The following CTDSPL variants were observed in gnomAD, a reference collection of about 807,000 sequenced individuals.
The protein encoded by CTDSPL is CTD small phosphatase-like protein.
CTDSPL carries 8 observed loss-of-function variants against 30.5 expected under a neutral mutation model. The observed-to-expected ratio is 0.26, with a 90% CI of 0.15 to 0.47. The LOEUF (loss-of-function observed/expected upper bound fraction) is 0.47, where lower values mean the gene tolerates loss of function less well. CTDSPL is among the 20% of genes least tolerant of loss of function. The pLI is 0.99. For missense variants in CTDSPL, 248 were observed against 366.1 expected, an observed-to-expected ratio of 0.68 and a Z score of 2.63; for synonymous variants, 110 against 137.9, an observed-to-expected ratio of 0.80 and a Z score of 1.42.
intron 3 of CTDSPL, among the ~76,000 whole-genome samples, chr3:37,960,527 TATATATATACACACACACACAC>T (rs1172111884): frequency 1.6e-5 from 1 of 63,644 alleles, no homozygotes; most frequent in Non-Finnish European, 2.9e-5. Flanking sequence ...TATATATATA[TATATATATACACACACACACAC>T]ACACACACAC....
At chr3:37,912,228 T>G (rs73058917) in intron 1 of CTDSPL, among the ~76,000 whole-genome samples, 5 of 152,152 alleles carry the variant, frequency 3.3e-5, no homozygotes, top group African/African-American at 1.2e-4. Flanking sequence ...GTGGCATGGC[T>G]TCCCCCTAGT....
intron 1 of CTDSPL, among the ~76,000 whole-genome samples, chr3:37,930,088 C>T (rs1386377054): frequency 7.0e-6 from 1 of 142,206 alleles, no homozygotes; most frequent in African/African-American, 2.7e-5. Context: ...GCCTGGGTGA[C>T]AGAGTGAGAC....
chr3:37,889,087 G>C (rs1375009467), intron 1 of CTDSPL, among the ~76,000 whole-genome samples: 10 of 152,102 alleles, frequency 6.6e-5, no homozygotes, highest in Admixed American at 2.0e-4. Flanking sequence ...TCTTTTTATT[G>C]CTGCCTGTCC....
At chr3:37,962,629 T>C (rs1280993501) in intron 3 of CTDSPL, among the ~76,000 whole-genome samples, 1 of 152,244 alleles carries the variant, frequency 6.6e-6, no homozygotes, top group Non-Finnish European at 1.5e-5. Flanking sequence ...AGATCTTTGA[T>C]GTTTTCAGAG....
At chr3:37,910,208 A>C (rs1252780569) in intron 1 of CTDSPL, among the ~76,000 whole-genome samples, 59 of 152,338 alleles carry the variant, frequency 3.9e-4, no homozygotes, top group Non-Finnish European at 2.9e-5. Flanking sequence ...GGCCTGGCGC[A>C]GTGGCTTACA....
chr3:37,914,969 C>T (rs1455785721), intron 1 of CTDSPL, among the ~76,000 whole-genome samples: 4 of 149,632 alleles, frequency 2.7e-5, no homozygotes, highest in African/African-American at 9.9e-5. Flanking sequence ...GCAGCCTCAA[C>T]CTCCTCCTGC....
intron 1 of CTDSPL, among the ~76,000 whole-genome samples, chr3:37,875,004 C>A (rs376790458): frequency 2.0e-5 from 3 of 152,156 alleles, no homozygotes; most frequent in Admixed American, 2.0e-4. Flanking sequence ...TTAAATAATT[C>A]TTCCCTTTAA....
intron 1 of CTDSPL, among the ~76,000 whole-genome samples, chr3:37,888,352 C>G (rs1381785516): frequency 6.6e-6 from 1 of 152,188 alleles, no homozygotes; most frequent in Admixed American, 6.5e-5. Context: ...TATGTTTTAT[C>G]AAACTTTTGC....
chr3:37,893,763 A>G (rs1698358766), intron 1 of CTDSPL, among the ~76,000 whole-genome samples: 1 of 152,234 alleles, frequency 6.6e-6, no homozygotes, highest in African/African-American at 2.4e-5. Flanking sequence ...GGTATAGACC[A>G]GTATAAATGA....
chr3:37,920,081 T>TAA lies in CTDSPL; in HGVS notation c.80-26967_80-26966dup, dbSNP rs76103906. On this transcript the variant is annotated intron_variant, in intron 1 of 7. Transcript: ENST00000273179. Reference sequence around the variant, plus strand: ...CTCTTGCAGTTCTAGAGGGTGGAAATAAAAAAAAAACAGTCTCAATGGGTT... The same window carrying TAA: ...CTCTTGCAGTTCTAGAGGGTGGAAATAAAAAAAAAAAACAGTCTCAATGGGTT... 4.1e-5 allele frequency among the ~76,000 whole-genome samples: 6 copies of TAA among 147,656 alleles called. No individual in the cohort carries two copies. In the South Asian group the frequency reaches 1.1e-3, roughly 26 times the overall value.
In CTDSPL at chr3:37,981,129, GAA is replaced by G. The variant is rs375264235; in HGVS notation, c.*278_*279del. ...AAACATACCAAAAAAGAAAAAAATA[GAA>G]AAAAAAAAAAAAAAAGCTTGATCTC... is the stretch of plus-strand genomic sequence containing the variant. On this transcript the variant is annotated 3_prime_UTR_variant, in exon 8 of 8. Coordinates refer to ENST00000273179, the MANE Select transcript of CTDSPL (RefSeq NM_001008392.2). The G allele has an allele frequency of 0.02, 1,682 of 83,818 alleles. 28 individuals are homozygous for G. The highest frequency in any genetic ancestry group is 0.063 in the African/African-American group (1,475 of 23,368). The allele number at this position is 83,818 out of a possible 1,614,324, so 5.2% of individuals were successfully genotyped here.
intron 1 of CTDSPL, among the ~76,000 whole-genome samples, chr3:37,900,758 A>G (rs1303686875): frequency 6.6e-6 from 1 of 152,138 alleles, no homozygotes; most frequent in Non-Finnish European, 1.5e-5. Flanking sequence ...GAATTTTTAC[A>G]TGTCATTAAA....
chr3:37,956,807 T>C (rs1391278664), intron 2 of CTDSPL, among the ~76,000 whole-genome samples: 3 of 152,208 alleles, frequency 2.0e-5, no homozygotes, highest in Non-Finnish European at 4.4e-5. Context: ...AGTTTTTATT[T>C]TTGTTTTTTA....
At position 37,882,779 on chromosome 3, in the gene CTDSPL, T is replaced by G. The variant is rs190088365; in HGVS notation, c.79+20501T>G. ...TCCAATAGGAGAGTATTCAGGAAGA[T>G]TGCCAAAAAACTTGGTAATTGAGCT... On this transcript the variant is annotated intron_variant, in intron 1 of 7. Coordinates refer to ENST00000273179, the MANE Select transcript of CTDSPL (RefSeq NM_001008392.2). 2.3e-3 allele frequency among the ~76,000 whole-genome samples: 354 copies of G among 152,296 alleles called. 3 individuals carry two copies. Among genetic ancestry groups the G allele is most frequent in the African/African-American group, 8.2e-3 (342 of 41,556 alleles).
intron 1 of CTDSPL, among the ~76,000 whole-genome samples, chr3:37,865,657 A>G (rs1575272597): frequency 6.6e-6 from 1 of 152,350 alleles, no homozygotes; most frequent in East Asian, 1.9e-4. Flanking sequence ...TCAGCAACTC[A>G]TTGATACCAG....
chr3:37,875,768 T>C (rs1454978721), intron 1 of CTDSPL, among the ~76,000 whole-genome samples: 1 of 152,210 alleles, frequency 6.6e-6, no homozygotes, highest in Non-Finnish European at 1.5e-5. Flanking sequence ...TAGCTGAACA[T>C]ATTCATTTTT....
intron 1 of CTDSPL, among the ~76,000 whole-genome samples, chr3:37,920,571 A>AG (rs1416591750): frequency 6.6e-6 from 1 of 152,214 alleles, no homozygotes; most frequent in Non-Finnish European, 1.5e-5. Flanking sequence ...AGGTGCCCTA[A>AG]GGGAGGCATG....
chr3:37,961,172 A>G (rs946272614), intron 3 of CTDSPL, among the ~76,000 whole-genome samples: 5 of 152,200 alleles, frequency 3.3e-5, no homozygotes, highest in Admixed American at 2.0e-4. Context: ...TCCCAGCACC[A>G]TTTATTGAGT....
intron 1 of CTDSPL, among the ~76,000 whole-genome samples, chr3:37,876,530 C>T (rs1698136435): frequency 6.6e-6 from 1 of 152,118 alleles, no homozygotes; most frequent in Admixed American, 6.5e-5. Flanking sequence ...AGTGGTATCT[C>T]ATCATAGTTT....
Sources: allele counts gnomAD v4.1 joint callset (sites outside exome capture counted in the v4.1 genomes callset), GRCh38; gene constraint gnomAD v4.1.1; transcripts MANE v1.5; gene names NCBI Gene and HGNC (gene_info 2026-07-23, HGNC 2026-07-21).